The following LRP5 variants were observed in gnomAD, a reference collection of about 807,000 sequenced individuals.
LRP5 encodes the protein LDL receptor related protein 5.
A neutral mutation model predicts 154.1 loss-of-function variants in LRP5; 62 were observed. The observed-to-expected ratio is 0.40, with a 90% CI of 0.33 to 0.50. LRP5 has a LOEUF of 0.50. LRP5 is among the 20% of genes least tolerant of loss of function. The pLI is 0.55. For synonymous variants in LRP5, 966 were observed against 1,011.5 expected (o/e 0.96, Z 0.85); for missense variants, 1,915 against 2,336.7 (o/e 0.82, Z 3.72).
chr11:68,410,220 A>T (rs1232183486), intron 10 of LRP5, 80 bp downstream of exon 10: 1 of 1,186,212 alleles, frequency 8.4e-7, no homozygotes, highest in East Asian at 2.5e-5. Flanking sequence ...GCAAGGTGGC[A>T]GGCTGTCCGT....
At chr11:68,368,554 A>G (rs1333101908) in intron 5 of LRP5, among the ~76,000 whole-genome samples, 1 of 152,116 alleles carries the variant, frequency 6.6e-6, no homozygotes, top group African/African-American at 2.4e-5. Flanking sequence ...CTGCACTTCC[A>G]TTTTGCAGCG....
At chr11:68,330,715 G>A (rs1245134667) in intron 1 of LRP5, among the ~76,000 whole-genome samples, 1 of 152,270 alleles carries the variant, frequency 6.6e-6, no homozygotes, top group African/African-American at 2.4e-5. Flanking sequence ...CAATTCCACA[G>A]TAGCCAAATC....
At chr11:68,298,932 G>A in the LRP5 span, among the ~76,000 whole-genome samples, 1 of 152,188 alleles carries the variant, frequency 6.6e-6, no homozygotes, top group Non-Finnish European at 1.5e-5. Flanking sequence ...CAGGAAGGGC[G>A]GGGTGAGAGC....
chr11:68,418,616 C>T (rs1396772872), intron 13 of LRP5, among the ~76,000 whole-genome samples: 1 of 152,196 alleles, frequency 6.6e-6, no homozygotes, highest in Non-Finnish European at 1.5e-5. Context: ...CTGGACGCCC[C>T]TTTCCACCAG....
the LRP5 span, among the ~76,000 whole-genome samples, chr11:68,306,805 G>C: frequency 1.3e-5 from 2 of 152,350 alleles, no homozygotes; most frequent in African/African-American, 4.8e-5. Context: ...CAGGAGGCAA[G>C]TTATGTGGCA....
intron 1 of LRP5, among the ~76,000 whole-genome samples, chr11:68,324,481 G>A (rs1185853599): frequency 1.3e-5 from 2 of 152,178 alleles, no homozygotes; most frequent in Admixed American, 1.3e-4. Flanking sequence ...GAGGGCTCAC[G>A]GATTCTCACC....
At chr11:68,399,972 A>AG (rs1218581557) in intron 7 of LRP5, among the ~76,000 whole-genome samples, 1 of 152,042 alleles carries the variant, frequency 6.6e-6, no homozygotes, top group African/African-American at 2.4e-5. Context: ...GGTGGAAAGT[A>AG]GGGGGCTTGG....
chr11:68,309,438 T>C (rs2098586338), upstream of LRP5, among the ~76,000 whole-genome samples: 1 of 151,842 alleles, frequency 6.6e-6, no homozygotes, highest in Middle Eastern at 3.4e-3. Flanking sequence ...TTTTACCATG[T>C]TGCCTAGGCT....
At chr11:68,426,461 G>A (rs2098668843) in intron 16 of LRP5, among the ~76,000 whole-genome samples, 1 of 127,632 alleles carries the variant, frequency 7.8e-6, no homozygotes, top group African/African-American at 3.1e-5. Flanking sequence ...ATCTTGCTCT[G>A]TTGCCCAGGC....
intron 5 of LRP5, among the ~76,000 whole-genome samples, chr11:68,366,248 A>G (rs1202177436): frequency 6.6e-6 from 1 of 152,102 alleles, no homozygotes; most frequent in Non-Finnish European, 1.5e-5. Flanking sequence ...CTGTAGCGTG[A>G]TGGGGCCCAG....
chr11:68,325,608 GGTTT>G (rs1282675818), intron 1 of LRP5, among the ~76,000 whole-genome samples: 1 of 152,214 alleles, frequency 6.6e-6, no homozygotes, highest in Non-Finnish European at 1.5e-5. Flanking sequence ...CCTACCCCGA[GGTTT>G]GCTGGAGTCA....
chr11:68,403,236 C>T (rs1279378255), intron 7 of LRP5, among the ~76,000 whole-genome samples: 1 of 152,154 alleles, frequency 6.6e-6, no homozygotes, highest in Non-Finnish European at 1.5e-5. Flanking sequence ...CAGAGTGAGA[C>T]GCTGTCTCAA....
At chr11:68,304,480 G>A in the LRP5 span, among the ~76,000 whole-genome samples, 3 of 152,258 alleles carry the variant, frequency 2.0e-5, no homozygotes, top group Non-Finnish European at 4.4e-5. Context: ...TGTGGGGTTG[G>A]AGGCCCCACA....
intron 13 of LRP5, among the ~76,000 whole-genome samples, chr11:68,422,106 T>G (rs1209647342): frequency 6.6e-6 from 1 of 151,750 alleles, no homozygotes; most frequent in African/African-American, 2.4e-5. Context: ...GTTTTTTTTG[T>G]TTGGTTGGTT....
chr11:68,357,885 T>A, intron 3 of LRP5, 38 bp downstream of exon 3: 1 of 1,573,094 alleles, frequency 6.4e-7, no homozygotes, highest in East Asian at 2.3e-5. Flanking sequence ...CCCTTTCCCC[T>A]TTGTCCCCAG....
At chr11:68,411,657 C>A (rs2242339) in intron 11 of LRP5, 37 bp downstream of exon 11, 1 of 1,576,722 alleles carries the variant, frequency 6.3e-7, no homozygotes, top group Non-Finnish European at 8.6e-7. Context: ...TCATGGAGGG[C>A]GGGGCAGCCG....
At chr11:68,385,500 C>T (rs1591260340) in intron 5 of LRP5, among the ~76,000 whole-genome samples, 2 of 152,230 alleles carry the variant, frequency 1.3e-5, no homozygotes, top group South Asian at 2.1e-4. Flanking sequence ...GTGTGGAGGC[C>T]GCGGTGCAGC....
At chr11:68,341,059 C>CTGTTTTTTTT (rs2098608749) in intron 1 of LRP5, among the ~76,000 whole-genome samples, 1 of 83,496 alleles carries the variant, frequency 1.2e-5, no homozygotes, top group African/African-American at 4.8e-5. Context: ...GGAGATTGTT[C>CTGTTTTTTTT]TTTTTTTTTT....
intron 1 of LRP5, among the ~76,000 whole-genome samples, chr11:68,324,133 G>C (rs557036132): frequency 6.6e-6 from 1 of 152,360 alleles, no homozygotes; most frequent in East Asian, 1.9e-4. Context: ...CTCCTTCTCA[G>C]GAGGGCTGAG....
Sources: allele counts gnomAD v4.1 joint callset (sites outside exome capture counted in the v4.1 genomes callset), GRCh38; gene constraint gnomAD v4.1.1; transcripts MANE v1.5; gene names NCBI Gene and HGNC (gene_info 2026-07-23, HGNC 2026-07-21).